The following NME6 variants were observed in gnomAD, a reference collection of about 807,000 sequenced individuals.
The protein encoded by NME6 is NME/NM23 nucleoside diphosphate kinase 6, also known as nucleoside diphosphate kinase 6, mitochondrial.
A neutral mutation model predicts 22.2 loss-of-function variants in NME6; 16 were observed. That is an observed-to-expected ratio of 0.72 (90% CI 0.49 to 1.09). NME6 has a LOEUF of 1.09. NME6 is among the 50% of genes least tolerant of loss of function. The probability of loss-of-function intolerance (pLI) is 0.00; values close to 1 mark genes in which losing one functional copy is unlikely to be tolerated. For synonymous variants in NME6, 58 were observed against 85.2 expected (o/e 0.68, Z 1.76); for missense variants, 229 against 239.0 (o/e 0.96, Z 0.28).
rs1262347335 is a variant in NME6, at chr3:48,293,902, T to G, written c.*735A>C. 6.6e-6 allele frequency: 1 copy of G among 151,380 alleles called. No homozygotes were observed. Among genetic ancestry groups the G allele is most frequent in the African/African-American group, 2.4e-5 (1 of 41,156 alleles). 9.4% of individuals were successfully genotyped at this position (151,380 alleles called of 1,614,324 possible). On this transcript the variant is annotated 3_prime_UTR_variant, in exon 6 of 6. Transcript: ENST00000442597. Reference sequence around the variant, plus strand: ...GATCAGAAAATCCAAGAGAAGAGAGTGTTTCTGGAGAATGAAGCAATAACT... The same window carrying G: ...GATCAGAAAATCCAAGAGAAGAGAGGGTTTCTGGAGAATGAAGCAATAACT...
At chr3:48,291,383 T>A, downstream of NME6, 2 of 430,634 alleles carry the variant, frequency 4.6e-6, no homozygotes, top group South Asian at 1.7e-5. Context: ...CATGCTCATG[T>A]CATACTCTTA....
chr3:48,301,168 G>T, intron 1 of NME6, 185 bp downstream of exon 1: 1 of 1,195,680 alleles, frequency 8.4e-7, no homozygotes, highest in Non-Finnish European at 1.1e-6. Flanking sequence ...CGGGACCTGC[G>T]CCCCTACCCC....
At chr3:48,298,331 C>T (rs988303581) in intron 2 of NME6, 96 bp downstream of exon 2, 7 of 1,070,424 alleles carry the variant, frequency 6.5e-6, no homozygotes, top group Non-Finnish European at 8.6e-6. Flanking sequence ...GCATCCAGCA[C>T]AAGTCTGTGT....
In NME6 at chr3:48,296,125, A is replaced by G. The variant is rs1266785977; in HGVS notation, c.227T>C (p.Met76Thr). 2.5e-6 allele frequency: 4 copies of G among 1,611,422 alleles called. No individual in the cohort carries two copies. Among genetic ancestry groups the G allele is most frequent in the East Asian group, 4.5e-5 (2 of 44,890 alleles). The change falls in exon 4 of 6, where the codon ATG (methionine) becomes ACG (threonine). Residue 76 changes from methionine (M) to threonine (T), a missense_variant. Met to Thr is a moderately conservative substitution (Grantham distance 81). Coordinates refer to ENST00000442597, the MANE Select transcript of NME6 (RefSeq NM_001308426.2). ...GGAACCAAATTTGAAGTACCTGGCCATGAACTCCACCAGCCTCTGATAGAA... is the reference window on the plus strand; with the variant it reads ...GGAACCAAATTTGAAGTACCTGGCCGTGAACTCCACCAGCCTCTGATAGAA... ...RFFYQRLVEF[M>T]ASGPIRAYIL...
chr3:48,298,621 A>T, intron 1 of NME6, 98 bp from the exon 2 acceptor site: 1 of 730,454 alleles, frequency 1.4e-6, no homozygotes, highest in Non-Finnish European at 2.2e-6. Context: ...GAGTGCTCTC[A>T]CTCCTGACAC....
rs2035053608 is a variant in NME6 at position 48,296,008 on chromosome 3, TG to T, written c.233+110del. On this transcript the variant is annotated intron_variant, in intron 4 of 5. Transcript: ENST00000442597. ...CTGGGATTACAGGCATGAGCCACCGTGCCTGGCCTGATTACAACTTTAAAGA... is the reference window on the plus strand; with the variant it reads ...CTGGGATTACAGGCATGAGCCACCGTCCTGGCCTGATTACAACTTTAAAGA... 4.8e-6 allele frequency: 4 copies of T among 836,210 alleles called. No individual in the cohort carries two copies. In the African/African-American group the frequency reaches 5.0e-5, roughly 10 times the overall value. The allele number at this position is 836,210 out of a possible 1,614,324, so 51.8% of individuals were successfully genotyped here. A position where few individuals can be genotyped will look rare whatever the true frequency, so the allele number is the denominator to read the frequency against.
At chr3:48,296,596 G>T (rs1262096537) in intron 3 of NME6, 131 bp downstream of exon 3, 2 of 665,586 alleles carry the variant, frequency 3.0e-6, no homozygotes, top group African/African-American at 1.8e-5. Context: ...TTTAAACCAA[G>T]ATTTTAGAAA....
intron 2 of NME6, 150 bp downstream of exon 2, chr3:48,298,277 G>A: frequency 1.4e-6 from 1 of 701,990 alleles, no homozygotes; most frequent in Non-Finnish European, 2.5e-6. Context: ...TGGATTCTTA[G>A]TCTCCTTAGG....
downstream of NME6, among the ~76,000 whole-genome samples, chr3:48,289,411 A>G (rs2034312858): frequency 6.6e-6 from 1 of 151,990 alleles, no homozygotes; most frequent in South Asian, 2.1e-4. Flanking sequence ...AGGTGGATTG[A>G]GGGAGGGGGT....
chr3:48,291,358 T>A (rs1439024699), downstream of NME6: 3 of 471,396 alleles, frequency 6.4e-6, no homozygotes, highest in Non-Finnish European at 1.3e-5. Context: ...ACTTCCTTGT[T>A]TTCTTTTGCT....
Position 48,296,106 on chromosome 3 carries a change from A to G in NME6, c.233+13T>C, listed in dbSNP as rs1247002647. 1.9e-6 allele frequency: 3 copies of G among 1,586,084 alleles called. No individual in the cohort carries two copies. The African/African-American group carries it at 4.0e-5, about 21-fold the overall frequency. On this transcript the variant is annotated intron_variant, in intron 4 of 5. Coordinates refer to ENST00000442597, the MANE Select transcript of NME6 (RefSeq NM_001308426.2). ...CTCAGTGGATAAAGATGCTGGAACC[A>G]AATTTGAAGTACCTGGCCATGAACT...
chr3:48,298,281 C>A, intron 2 of NME6, 146 bp downstream of exon 2: 1 of 731,722 alleles, frequency 1.4e-6, no homozygotes, highest in South Asian at 1.5e-5. Context: ...TTCTTAGTCT[C>A]CTTAGGTCAG....
intron 4 of NME6, chr3:48,295,708 A>G (rs1043169671): frequency 7.8e-5 from 19 of 244,662 alleles, no homozygotes; most frequent in Non-Finnish European, 7.1e-5. Flanking sequence ...TGCCTGGCTA[A>G]TTTTTTGCTG....
chr3:48,295,436 T>C (rs2034983452), intron 4 of NME6: 1 of 575,404 alleles, frequency 1.7e-6, no homozygotes, highest in African/African-American at 1.9e-5. Context: ...AGGGTGGCTA[T>C]GCAGCATTCA....
At chr3:48,298,985 T>C (rs564305299) in intron 1 of NME6, 254 of 703,032 alleles carry the variant, frequency 3.6e-4, no homozygotes, top group Middle Eastern at 1.4e-3. Flanking sequence ...AATTGGAAGA[T>C]TGATGGACAG....
intron 2 of NME6, 192 bp downstream of exon 2, chr3:48,298,235 T>C (rs2035314438): frequency 1.6e-6 from 1 of 617,838 alleles, no homozygotes; most frequent in African/African-American, 1.8e-5. Context: ...TTGGGTCCTT[T>C]CTTACATTTT....
chr3:48,287,968 A>G, downstream of NME6, among the ~76,000 whole-genome samples: 1 of 152,204 alleles, frequency 6.6e-6, no homozygotes, highest in South Asian at 2.1e-4. Context: ...AGGAGAATAC[A>G]TGAATATATC....
chr3:48,290,392 ATC>A (rs1364858031), downstream of NME6, among the ~76,000 whole-genome samples: 2 of 152,208 alleles, frequency 1.3e-5, no homozygotes, highest in African/African-American at 4.8e-5. Context: ...TGATGTCATA[ATC>A]TGTGGATACA....
At chr3:48,291,332 C>T (rs768835848), downstream of NME6, 24 of 479,198 alleles carry the variant, frequency 5.0e-5, no homozygotes, top group South Asian at 1.6e-4. Flanking sequence ...ACTAAGCATT[C>T]GCTTCATGGT....
Sources: gnomAD v4.1 joint callset for allele counts (sites outside exome capture counted in the v4.1 genomes callset) on GRCh38, gnomAD v4.1.1 for gene constraint, MANE v1.5 for transcripts, NCBI Gene and HGNC (gene_info 2026-07-23, HGNC 2026-07-21) for gene names.